Variants in ARHGAP10 observed in about 807,000 individuals in gnomAD.
ARHGAP10 encodes the protein Rho GTPase activating protein 10, also known as rho GTPase-activating protein 10.
ARHGAP10 carries 87 observed loss-of-function variants against 108.6 expected under a neutral mutation model. The ratio of observed to expected loss-of-function variants is 0.80; its 90% CI spans 0.67 to 0.96. ARHGAP10 has a LOEUF of 0.96. ARHGAP10 is among the 40% of genes least tolerant of loss of function. The pLI is 0.00. For missense variants in ARHGAP10, 939 were observed against 954.5 expected (o/e 0.98, Z 0.21); for synonymous variants, 347 against 341.1 (o/e 1.02, Z -0.19).
At chr4:147,938,951 G>T (rs575135014) in intron 13 of ARHGAP10, among the ~76,000 whole-genome samples, 30 of 152,298 alleles carry the variant, frequency 2.0e-4, no homozygotes, top group African/African-American at 6.7e-4. Flanking sequence ...TTCTCATCCA[G>T]ATTCAATAAT....
chr4:147,787,817 T>C (rs892707163), intron 1 of ARHGAP10, among the ~76,000 whole-genome samples: 1 of 152,088 alleles, frequency 6.6e-6, no homozygotes, highest in African/African-American at 2.4e-5. Context: ...TTGGAAGTCA[T>C]GATGCCTGGG....
intron 5 of ARHGAP10, among the ~76,000 whole-genome samples, chr4:147,860,464 AC>A: frequency 6.6e-6 from 1 of 151,548 alleles, no homozygotes; most frequent in South Asian, 2.1e-4. Context: ...ACAAAACAAA[AC>A]AAAAAAAACC....
In ARHGAP10 at chr4:147,923,311, C is replaced by T. The variant is rs146525702; in HGVS notation, c.1228+10172C>T. Among the ~76,000 whole-genome samples, 28 of 152,202 alleles carry T rather than the reference C, an allele frequency of 1.8e-4. No homozygotes were observed. In the East Asian group the frequency reaches 4.4e-3, roughly 24 times the overall value. On this transcript the variant is annotated intron_variant, in intron 13 of 22. Coordinates refer to ENST00000336498, the MANE Select transcript of ARHGAP10 (RefSeq NM_024605.4). ...TTTCTTTGAGTAAGTACAAATGAGC[C>T]GCCCCCCATGAGCAGTGCATTGTCT...
intron 19 of ARHGAP10, among the ~76,000 whole-genome samples, chr4:148,038,674 G>A (rs973141064): frequency 3.3e-5 from 5 of 152,190 alleles, no homozygotes; most frequent in African/African-American, 1.2e-4. Context: ...TATTGGTTTT[G>A]ATTGGGTGGC....
intron 15 of ARHGAP10, among the ~76,000 whole-genome samples, chr4:147,950,815 T>C (rs1738570799): frequency 6.6e-6 from 1 of 152,150 alleles, no homozygotes. Context: ...ATTACAGCAG[T>C]TTTCTGTTGT....
chr4:147,953,988 C>T (rs1277092024), intron 15 of ARHGAP10, among the ~76,000 whole-genome samples: 2 of 151,988 alleles, frequency 1.3e-5, no homozygotes, highest in African/African-American at 4.8e-5. Context: ...TACTTTCTAA[C>T]TTCTCTTTGA....
chr4:147,748,796 A>G (rs1411755364), intron 1 of ARHGAP10, among the ~76,000 whole-genome samples: 1 of 151,942 alleles, frequency 6.6e-6, no homozygotes, highest in Non-Finnish European at 1.5e-5. Context: ...CATAGACCCT[A>G]TTTCTAAAAA....
intron 1 of ARHGAP10, among the ~76,000 whole-genome samples, chr4:147,789,490 C>G (rs976838172): frequency 6.6e-6 from 1 of 152,202 alleles, no homozygotes; most frequent in Admixed American, 6.5e-5. Context: ...TAGGGTTTCA[C>G]TCTGTTGACC....
intron 10 of ARHGAP10, among the ~76,000 whole-genome samples, chr4:147,900,242 C>T (rs535877441): frequency 1.2e-4 from 19 of 152,044 alleles, no homozygotes; most frequent in African/African-American, 3.6e-4. Flanking sequence ...TTGGTGATAC[C>T]ATGTATTTGT....
intron 16 of ARHGAP10, among the ~76,000 whole-genome samples, chr4:147,955,811 G>A (rs17476223): frequency 0.028 from 4,226 of 152,102 alleles, 104 homozygotes; most frequent in Non-Finnish European, 0.041. Context: ...ACAGATACTC[G>A]GATCTAAATT....
chr4:148,049,487 TGG>T lies in ARHGAP10; in HGVS notation c.2027+2437_2027+2438del, dbSNP rs539995815. ...CAGTAGCCGGTGTGTGCTTCCCACATGGTCTGGTTCTCTTTGCCTCAAATATC... is the reference window on the plus strand; with the variant it reads ...CAGTAGCCGGTGTGTGCTTCCCACATTCTGGTTCTCTTTGCCTCAAATATC... On this transcript the variant is annotated intron_variant, in intron 20 of 22. Coordinates refer to ENST00000336498, the MANE Select transcript of ARHGAP10 (RefSeq NM_024605.4). 9.2e-5 allele frequency among the ~76,000 whole-genome samples: 14 copies of T among 152,300 alleles called. No homozygotes were observed. The East Asian group carries it at 2.7e-3, about 29-fold the overall frequency.
rs78064921 is a variant in ARHGAP10 at position 147,919,568 on chromosome 4, T to G, written c.1228+6429T>G. Among the ~76,000 whole-genome samples, 96 of 25,204 alleles carry G rather than the reference T, an allele frequency of 3.8e-3. 1 individual carries two copies. In the South Asian group the frequency reaches 0.3, roughly 78 times the overall value. 16.5% of individuals were successfully genotyped at this position (25,204 alleles called of 152,430 possible). A position where few individuals can be genotyped will look rare whatever the true frequency, so the allele number is the denominator to read the frequency against. ...ATTACCTGGGATCTTTTAAAAACAA[T>G]TTTTTTTTCTTTTTTTTTTGTGGAG... On this transcript the variant is annotated intron_variant, in intron 13 of 22. Coordinates refer to ENST00000336498, the MANE Select transcript of ARHGAP10 (RefSeq NM_024605.4).
rs544666564 is a variant in ARHGAP10, at chr4:147,800,087, C to T, written c.155-22640C>T. On this transcript the variant is annotated intron_variant, in intron 1 of 22. Coordinates refer to ENST00000336498, the MANE Select transcript of ARHGAP10 (RefSeq NM_024605.4). Reference sequence around the variant, plus strand: ...GTTTGTCTGCTTGGTGGTTAGATGCCGCTAGGGCTGCCGTCTCATTTCCCC... The same window carrying T: ...GTTTGTCTGCTTGGTGGTTAGATGCTGCTAGGGCTGCCGTCTCATTTCCCC... Among the ~76,000 whole-genome samples the T allele has an allele frequency of 5.3e-5, 8 of 152,210 alleles. No homozygotes were observed. In the South Asian group the frequency reaches 6.2e-4, roughly 12 times the overall value.
intron 11 of ARHGAP10, among the ~76,000 whole-genome samples, chr4:147,907,349 A>G (rs1736536417): frequency 1.3e-5 from 2 of 152,174 alleles, no homozygotes; most frequent in Admixed American, 6.5e-5. Context: ...CAGATCATGT[A>G]TTGGGGATTT....
At chr4:147,734,984 C>T (rs1367527474) in intron 1 of ARHGAP10, among the ~76,000 whole-genome samples, 5 of 152,246 alleles carry the variant, frequency 3.3e-5, no homozygotes, top group South Asian at 4.1e-4. Context: ...TTGCCCTGCA[C>T]GGTGTCTCCT....
At chr4:147,818,996 T>A (rs764174425) in intron 1 of ARHGAP10, among the ~76,000 whole-genome samples, 4 of 152,156 alleles carry the variant, frequency 2.6e-5, no homozygotes, top group Non-Finnish European at 5.9e-5. Context: ...AATGAAGAAA[T>A]GATATAACTA....
Position 147,947,121 on chromosome 4 carries a change from A to G in ARHGAP10, c.1391+417A>G, listed in dbSNP as rs571540713. Among the ~76,000 whole-genome samples the G allele has an allele frequency of 5.1e-4, 78 of 152,276 alleles. 1 individual carries two copies. Among genetic ancestry groups the G allele is most frequent in the African/African-American group, 1.8e-3 (74 of 41,568 alleles). Reference sequence around the variant, plus strand: ...AACATGTCAATGCAAAGCTCTTTGAAAAAGAAGTTTACTTGGTGAGGTTTT... The same window carrying G: ...AACATGTCAATGCAAAGCTCTTTGAGAAAGAAGTTTACTTGGTGAGGTTTT... On this transcript the variant is annotated intron_variant, in intron 15 of 22. Transcript: ENST00000336498.
chr4:147,963,723 G>C (rs996610992), intron 16 of ARHGAP10, among the ~76,000 whole-genome samples: 1 of 152,166 alleles, frequency 6.6e-6, no homozygotes, highest in African/African-American at 2.4e-5. Context: ...AAATCAAGAC[G>C]TTGGGAGGGC....
intron 18 of ARHGAP10, among the ~76,000 whole-genome samples, chr4:148,004,459 C>G (rs1740860849): frequency 6.6e-6 from 1 of 152,186 alleles, no homozygotes; most frequent in East Asian, 1.9e-4. Flanking sequence ...GTGCAAGTAC[C>G]TGTAACTTGA....
Sources: allele counts gnomAD v4.1 joint callset (sites outside exome capture counted in the v4.1 genomes callset), GRCh38; gene constraint gnomAD v4.1.1; transcripts MANE v1.5; gene names NCBI Gene and HGNC (gene_info 2026-07-23, HGNC 2026-07-21).